The following ZNF764 variants were observed in gnomAD, a reference collection of about 807,000 sequenced individuals.
ZNF764 encodes the protein zinc finger protein 764.
Under a neutral mutation model 13.9 loss-of-function variants are expected in ZNF764, and 10 were observed. The ratio of observed to expected loss-of-function variants is 0.72; its 90% CI spans 0.44 to 1.22. ZNF764 has a LOEUF of 1.22. Ranked by LOEUF, ZNF764 falls within the 50% of genes most tolerant of loss-of-function variation. The pLI is 0.00. For synonymous variants in ZNF764, 313 were observed against 255.1 expected, an observed-to-expected ratio of 1.23 and a Z score of -2.16; for missense variants, 647 against 589.7, an observed-to-expected ratio of 1.10 and a Z score of -1.01.
intron 1 of ZNF764, 32 bp downstream of exon 1, chr16:30,557,955 G>A (rs2051571832): frequency 1.3e-6 from 2 of 1,579,144 alleles, no homozygotes; most frequent in Admixed American, 1.8e-5. Context: ...CTGTGGGGGC[G>A]CAGGGCTCAG....
rs1053042099 is a variant in ZNF764 at position 30,555,548 on chromosome 16, G to A, written c.870C>T (p.Asp290=). 2 of 1,531,850 alleles carry A rather than the reference G, an allele frequency of 1.3e-6. No homozygotes were observed. Among genetic ancestry groups the A allele is most frequent in the Admixed American group, 2.0e-5 (1 of 48,854 alleles). 94.9% of individuals were successfully genotyped at this position (1,531,850 alleles called of 1,614,324 possible). ...AGGGGTAGGCGAAGGCGCGGCCACAGTCCGGGCAGGGGAAGGGGGTCTCGC... is the reference window on the plus strand; with the variant it reads ...AGGGGTAGGCGAAGGCGCGGCCACAATCCGGGCAGGGGAAGGGGGTCTCGC... The part of the protein sequence containing the change: ...HSGETPFPCP[D]CGRAFAYPSD... The change falls in exon 3 of 3, where the codon GAC becomes GAT. Residue 290 remains aspartate, a synonymous_variant. Transcript: ENST00000395091.
At position 30,554,037 on chromosome 16, in the gene ZNF764, C is replaced by G. The variant is rs976037737; in HGVS notation, c.*1157G>C. On this transcript the variant is annotated 3_prime_UTR_variant, in exon 3 of 3. Coordinates refer to ENST00000395091, the MANE Select transcript of ZNF764 (RefSeq NM_001172679.2). ...TGGCACGTGGTGCTTGGTCAGGAGC[C>G]CACGGGAGTGGTGGGGATGGGTGGC... The G allele has an allele frequency of 6.6e-6, 1 of 152,224 alleles. No homozygotes were observed. The highest frequency in any genetic ancestry group is 6.5e-5 in the Admixed American group (1 of 15,284). 9.4% of individuals were successfully genotyped at this position (152,224 alleles called of 1,614,324 possible).
In ZNF764 at chr16:30,558,112, C is replaced by T; in HGVS notation, c.71G>A (p.Gly24Glu). ...NGAGPEWREPGAVSFADVAVY... is the reference protein window; with the variant it reads ...NGAGPEWREPEAVSFADVAVY... ...GGCCACGTCCGCGAAGCTCACAGCC[C>T]CCGGCTCCCTCCACTCGGGTCCGGC... Residue 24 changes from glycine to glutamate, a missense_variant, in exon 1 of 3, where the codon GGG becomes GAG. Physicochemically the swap from Gly to Glu is moderately conservative, Grantham distance 98. Coordinates refer to ENST00000395091, the MANE Select transcript of ZNF764 (RefSeq NM_001172679.2). 1 of 1,609,514 alleles carries T rather than the reference C, an allele frequency of 6.2e-7. No homozygotes were observed. Among genetic ancestry groups the T allele is most frequent in the Non-Finnish European group, 8.5e-7 (1 of 1,179,040 alleles).
rs767522622 is a variant in ZNF764 at position 30,554,278 on chromosome 16, C to G, written c.*916G>C. ...GATCAATAAATATGACAACCGCAGGCCAGATCCAGTACACAGTCACAGGAT... is the reference window on the plus strand; with the variant it reads ...GATCAATAAATATGACAACCGCAGGGCAGATCCAGTACACAGTCACAGGAT... On this transcript the variant is annotated 3_prime_UTR_variant, in exon 3 of 3. Coordinates refer to ENST00000395091, the MANE Select transcript of ZNF764 (RefSeq NM_001172679.2). 2 of 152,164 alleles carry G rather than the reference C, an allele frequency of 1.3e-5. No homozygotes were observed. The highest frequency in any genetic ancestry group is 2.9e-5 in the Non-Finnish European group (2 of 68,032). 9.4% of individuals were successfully genotyped at this position (152,164 alleles called of 1,614,324 possible).
At chr16:30,557,883 G>A (rs1478796264) in intron 1 of ZNF764, 37 bp from the exon 2 acceptor site, 11 of 1,578,576 alleles carry the variant, frequency 7.0e-6, no homozygotes, top group South Asian at 1.1e-5. Context: ...GCTGCGGGGA[G>A]GCCACCTGCC....
At chr16:30,557,698 G>A (rs767280626) in intron 2 of ZNF764, 35 bp downstream of exon 2, 22 of 1,611,108 alleles carry the variant, frequency 1.4e-5, no homozygotes, top group Non-Finnish European at 1.8e-5. Context: ...CAGGAACAGA[G>A]AAGTCCCCAT....
intron 2 of ZNF764, among the ~76,000 whole-genome samples, chr16:30,556,644 G>A (rs566961843): frequency 3.3e-5 from 5 of 151,832 alleles, no homozygotes; most frequent in African/African-American, 1.2e-4. Context: ...AGGAGGATCA[G>A]CCTAGGATTT....
In ZNF764 at chr16:30,555,394, A is replaced by G. The variant is rs578024104; in HGVS notation, c.1024T>C (p.Tyr342His). ...CGGCGGCCGCACTGCGGGCAGGGGT[A>G]GGGCTTCTCGCCGCTGTGGGTGCGC... Reference protein sequence around the residue: ...HRRTHSGEKPYPCPQCGRRFG... With the variant: ...HRRTHSGEKPHPCPQCGRRFG... The change falls in exon 3 of 3, where the codon TAC becomes CAC. Residue 342 changes from tyrosine to histidine, a missense_variant. Coordinates refer to ENST00000395091, the MANE Select transcript of ZNF764 (RefSeq NM_001172679.2). 2 of 1,567,858 alleles carry G rather than the reference A, an allele frequency of 1.3e-6. No homozygotes were observed. The highest frequency in any genetic ancestry group is 1.8e-5 in the Admixed American group (1 of 54,684).
In ZNF764 at chr16:30,555,858, G is replaced by C. The variant is rs141273752; in HGVS notation, c.560C>G (p.Ser187Cys). Reference sequence around the variant, plus strand: ...ACTGTAGACGTGCTCCACCAGTGTGGAGCGCCAGGCAAAGCTCTTCCCGCA... The same window carrying C: ...ACTGTAGACGTGCTCCACCAGTGTGCAGCGCCAGGCAAAGCTCTTCCCGCA... ...YVCGKSFAWR[S>C]TLVEHVYSHT... is the part of the protein sequence containing the mutation. Residue 187 changes from serine (S) to cysteine (C), a missense_variant, in exon 3 of 3, where the codon TCC (serine) becomes TGC (cysteine). Transcript: ENST00000395091. The C allele has an allele frequency of 1.2e-6, 2 of 1,612,508 alleles. No homozygotes were observed. The highest frequency in any genetic ancestry group is 1.7e-5 in the Admixed American group (1 of 59,972).
chr16:30,555,332 C>A lies in ZNF764; in HGVS notation c.1086G>T (p.Trp362Cys). ...GQKSAVAKHQ[W>C]VHRPGAGGHR... is the part of the protein sequence containing the mutation. ...GGCCCCCGGCCCCGGGCCGATGAAC[C>A]CACTGGTGTTTGGCCACGGCTGACT... Residue 362 changes from tryptophan (W) to cysteine (C), a missense_variant, in exon 3 of 3, where the codon TGG (tryptophan) becomes TGT (cysteine). Trp to Cys is a radical substitution (Grantham distance 215). Transcript: ENST00000395091. The A allele has an allele frequency of 6.2e-7, 1 of 1,608,736 alleles. No individual in the cohort carries two copies. The highest frequency in any genetic ancestry group is 2.2e-5 in the East Asian group (1 of 44,722).
chr16:30,554,061 G>A lies in ZNF764; in HGVS notation c.*1133C>T, dbSNP rs960830980. 1.3e-5 allele frequency: 2 copies of A among 152,234 alleles called. No homozygotes were observed. The highest frequency in any genetic ancestry group is 4.8e-5 in the African/African-American group (2 of 41,460). The allele number at this position is 152,234 out of a possible 1,614,324, so 9.4% of individuals were successfully genotyped here. On this transcript the variant is annotated 3_prime_UTR_variant, in exon 3 of 3. Coordinates refer to ENST00000395091, the MANE Select transcript of ZNF764 (RefSeq NM_001172679.2). ...CCCACGGGAGTGGTGGGGATGGGTG[G>A]CCGGGCCACGGTGAATTGTGAGTTC...
rs759305116 is a variant in ZNF764 at position 30,558,053 on chromosome 16, G to A, written c.130C>T (p.Arg44Trp). The change falls in exon 1 of 3, where the codon CGG becomes TGG. Residue 44 changes from arginine (R) to tryptophan (W), a missense_variant. Physicochemically the swap from Arg to Trp is moderately radical, Grantham distance 101. Coordinates refer to ENST00000395091, the MANE Select transcript of ZNF764 (RefSeq NM_001172679.2). ...CGGTACAGGGCCCTCTGCGCTGGCCGCAAGCAGCCCCACTCCTCCCGGCAG... is the reference window on the plus strand; with the variant it reads ...CGGTACAGGGCCCTCTGCGCTGGCCACAAGCAGCCCCACTCCTCCCGGCAG... ...YFCREEWGCL[R>W]PAQRALYRDV... 1.2e-6 allele frequency: 2 copies of A among 1,611,746 alleles called. No homozygotes were observed. Among genetic ancestry groups the A allele is most frequent in the East Asian group, 2.2e-5 (1 of 44,808 alleles).
rs2051535448 is a variant in ZNF764 at position 30,554,996 on chromosome 16, G to A, written c.*198C>T. The A allele has an allele frequency of 3.3e-6, 2 of 608,268 alleles. No homozygotes were observed. Among genetic ancestry groups the A allele is most frequent in the South Asian group, 2.4e-5 (1 of 41,460 alleles). The allele number at this position is 608,268 out of a possible 1,614,324, so 37.7% of individuals were successfully genotyped here. On this transcript the variant is annotated 3_prime_UTR_variant, in exon 3 of 3. Coordinates refer to ENST00000395091, the MANE Select transcript of ZNF764 (RefSeq NM_001172679.2). Reference sequence around the variant, plus strand: ...AACTCAGCCCTGCCTCAGTAGAGGGGGCCTTGGAGAGCCCTGGGCAGTGGG... The same window carrying A: ...AACTCAGCCCTGCCTCAGTAGAGGGAGCCTTGGAGAGCCCTGGGCAGTGGG...
At position 30,555,571 on chromosome 16, in the gene ZNF764, C is replaced by A; in HGVS notation, c.847G>T (p.Glu283Ter). The A allele has an allele frequency of 6.5e-7, 1 of 1,533,946 alleles. No homozygotes were observed. The highest frequency in any genetic ancestry group is 1.2e-5 in the South Asian group (1 of 81,206). The change falls in exon 3 of 3, where the codon GAG (glutamate) becomes TAG (stop). Residue 283 changes from glutamate (E) to a stop codon, truncating the protein, a stop_gained. Transcript: ENST00000395091. LOFTEE classifies it low-confidence loss of function (END_TRUNC). ...LYQHRRVHSGETPFPCPDCGR... is the reference protein window; with the variant it reads ...LYQHRRVHSG ...CAGTCCGGGCAGGGGAAGGGGGTCT[C>A]GCCGCTGTGCACGCGCCGGTGCTGG...
At position 30,558,039 on chromosome 16, in the gene ZNF764, C is replaced by G; in HGVS notation, c.144G>C (p.Arg48Ser). The change falls in exon 1 of 3, where the codon AGG becomes AGC. Residue 48 changes from arginine to serine, a missense_variant. Physicochemically the swap from Arg to Ser is moderately radical, Grantham distance 110 (BLOSUM62 -1). Coordinates refer to ENST00000395091, the MANE Select transcript of ZNF764 (RefSeq NM_001172679.2). ...EEWGCLRPAQ[R>S]ALYRDVMRET... ...CCCGCATCACGTCCCGGTACAGGGC[C>G]CTCTGCGCTGGCCGCAAGCAGCCCC... 2.5e-6 allele frequency: 4 copies of G among 1,612,080 alleles called. No individual in the cohort carries two copies. The highest frequency in any genetic ancestry group is 3.4e-6 in the Non-Finnish European group (4 of 1,179,374).
At position 30,558,286 on chromosome 16, in the gene ZNF764, G is replaced by A. The variant is rs2051576436; in HGVS notation, c.-104C>T. On this transcript the variant is annotated 5_prime_UTR_variant, in exon 1 of 3. Transcript: ENST00000395091. ...AAGCCTCCCCGGCCCGGGCCCAAGG[G>A]AAGGAGGGAGGTTACTAGGGCCCCC... 1 of 1,366,694 alleles carries A rather than the reference G, an allele frequency of 7.3e-7. No homozygotes were observed. Among genetic ancestry groups the A allele is most frequent in the African/African-American group, 1.5e-5 (1 of 67,774 alleles). The allele number at this position is 1,366,694 out of a possible 1,614,324, so 84.7% of individuals were successfully genotyped here.
In ZNF764 at chr16:30,555,812, G is replaced by A; in HGVS notation, c.606C>T (p.Phe202=). The A allele has an allele frequency of 6.2e-7, 1 of 1,611,508 alleles. No individual in the cohort carries two copies. The highest frequency in any genetic ancestry group is 8.5e-7 in the Non-Finnish European group (1 of 1,179,898). The part of the protein sequence containing the change: ...HVYSHTGEKP[F]HCTDCGKGFG... ...AGCCCTTGCCGCAGTCAGTGCAGTG[G>A]AAGGGCTTCTCGCCAGTGTGACTGT... Residue 202 remains phenylalanine (F), a synonymous_variant, in exon 3 of 3, where the codon TTC becomes TTT. Coordinates refer to ENST00000395091, the MANE Select transcript of ZNF764 (RefSeq NM_001172679.2).
chr16:30,555,533 GA>G lies in ZNF764; in HGVS notation c.884del (p.Phe295SerfsTer87). 1 of 1,531,346 alleles carries G rather than the reference GA, an allele frequency of 6.5e-7. No homozygotes were observed. The highest frequency in any genetic ancestry group is 8.7e-7 in the Non-Finnish European group (1 of 1,145,100). The allele number at this position is 1,531,346 out of a possible 1,614,324, so 94.9% of individuals were successfully genotyped here. A position where few individuals can be genotyped will look rare whatever the true frequency, so the allele number is the denominator to read the frequency against. On this transcript the variant is annotated frameshift_variant, in exon 3 of 3. Transcript: ENST00000395091. LOFTEE classifies it low-confidence loss of function (END_TRUNC). ...GGCGCCGCAGGTCCGAGGGGTAGGC[GA>G]AGGCGCGGCCACAGTCCGGGCAGGG... Reference protein sequence around the residue: ...PFPCPDCGRAFAYPSDLRRHV... With the variant: ...PFPCPDCGRAXAYPSDLRRHV...
chr16:30,555,452 G>T lies in ZNF764; in HGVS notation c.966C>A (p.Cys322Ter). ...CTGCCATCTCCGAGCTCTGGCGGAA[G>T]CAGCGCCCGCAGTCCGGGCACGGGT... is the stretch of plus-strand genomic sequence containing the variant. ...KPYPCPDCGR[C>*]FRQSSEMAAH... is the part of the protein sequence containing the mutation. Residue 322 changes from cysteine to a stop codon, truncating the protein, a stop_gained, in exon 3 of 3, where the codon TGC (cysteine) becomes TGA (stop). Coordinates refer to ENST00000395091, the MANE Select transcript of ZNF764 (RefSeq NM_001172679.2). LOFTEE classifies it low-confidence loss of function (END_TRUNC). The T allele has an allele frequency of 6.5e-7, 1 of 1,548,702 alleles. No individual in the cohort carries two copies. The highest frequency in any genetic ancestry group is 2.3e-5 in the East Asian group (1 of 44,012).
Sources: gnomAD v4.1 joint callset for allele counts (sites outside exome capture counted in the v4.1 genomes callset) on GRCh38, gnomAD v4.1.1 for gene constraint, MANE v1.5 for transcripts, NCBI Gene and HGNC (gene_info 2026-07-23, HGNC 2026-07-21) for gene names.